CTBP2: variants seen among roughly 807,000 people sequenced by gnomAD.
The protein encoded by CTBP2 is C-terminal binding protein 2, also known as C-terminal-binding protein 2.
Under a neutral mutation model 80.3 loss-of-function variants are expected in CTBP2, and 30 were observed. The observed-to-expected ratio is 0.37, with a 90% CI of 0.28 to 0.51. The LOEUF is 0.51. Ranked by LOEUF, CTBP2 falls within the 20% of genes least tolerant of loss-of-function variation. CTBP2 has a pLI of 0.93. For synonymous variants in CTBP2, 594 were observed against 587.4 expected, an observed-to-expected ratio of 1.01 and a Z score of -0.16; for missense variants, 1,212 against 1,375.3, an observed-to-expected ratio of 0.88 and a Z score of 1.88.
intron 8 of CTBP2, among the ~76,000 whole-genome samples, chr10:124,991,533 G>A (rs552180631): frequency 1.6e-4 from 25 of 152,342 alleles, no homozygotes; most frequent in Middle Eastern, 3.4e-3. Context: ...CACCGGCATA[G>A]CTTCTTCAAG....
intron 2 of CTBP2, among the ~76,000 whole-genome samples, chr10:125,047,065 T>G (rs1401828890): frequency 1.3e-5 from 2 of 152,240 alleles, no homozygotes; most frequent in African/African-American, 4.8e-5. Flanking sequence ...TTCTTGTGTT[T>G]AGGATTTTCA....
chr10:125,149,541 G>A (rs746478675), intron 1 of CTBP2, among the ~76,000 whole-genome samples: 15 of 152,182 alleles, frequency 9.9e-5, no homozygotes, highest in Non-Finnish European at 1.5e-4. Flanking sequence ...AGAATCCAAA[G>A]GCCAAGATGG....
intron 1 of CTBP2, among the ~76,000 whole-genome samples, chr10:125,122,191 C>T (rs998800871): frequency 1.3e-5 from 2 of 152,246 alleles, no homozygotes; most frequent in African/African-American, 4.8e-5. Flanking sequence ...CCTGAACTAA[C>T]TTACACACGT....
chr10:125,140,067 C>T (rs1228518734), intron 1 of CTBP2, among the ~76,000 whole-genome samples: 1 of 152,094 alleles, frequency 6.6e-6, no homozygotes, highest in East Asian at 1.9e-4. Context: ...GCTACTAACC[C>T]CATGTACCCA....
intron 1 of CTBP2, among the ~76,000 whole-genome samples, chr10:125,010,395 TAC>T (rs1026285079): frequency 6.6e-6 from 1 of 152,192 alleles, no homozygotes; most frequent in African/African-American, 2.4e-5. Context: ...GATTTCATTT[TAC>T]AGTCTCAGTA....
Position 124,986,312 on chromosome 10 carries a change from C to G in CTBP2, c.*3206G>C, listed in dbSNP as rs547451690. 1 of 130,908 alleles carries G rather than the reference C, an allele frequency of 7.6e-6. No individual in the cohort carries two copies. Among genetic ancestry groups the G allele is most frequent in the South Asian group, 2.1e-4 (1 of 4,830 alleles). The allele number at this position is 130,908 out of a possible 1,614,324, so 8.1% of individuals were successfully genotyped here. A position where few individuals can be genotyped will look rare whatever the true frequency, so the allele number is the denominator to read the frequency against. On this transcript the variant is annotated 3_prime_UTR_variant, in exon 9 of 9. Transcript: ENST00000309035. Reference sequence around the variant, plus strand: ...GCGCGCACACACACACACACACACACACACACACACAGTTTTTTCCTTCCC... The same window carrying G: ...GCGCGCACACACACACACACACACAGACACACACACAGTTTTTTCCTTCCC...
chr10:125,023,258 G>A (rs1336977857), intron 1 of CTBP2, among the ~76,000 whole-genome samples: 2 of 152,216 alleles, frequency 1.3e-5, no homozygotes, highest in Non-Finnish European at 2.9e-5. Flanking sequence ...AGATCTTTTT[G>A]TGGCTCTTTG....
upstream of CTBP2, among the ~76,000 whole-genome samples, chr10:125,031,488 CA>C (rs11463934): frequency 0.12 from 3,985 of 33,114 alleles, 36 homozygotes; most frequent in Admixed American, 0.21. Context: ...GACTCCATTT[CA>C]AAAAAAAAAA....
chr10:125,055,619 C>T (rs542656463), intron 2 of CTBP2, among the ~76,000 whole-genome samples: 3 of 152,282 alleles, frequency 2.0e-5, no homozygotes, highest in East Asian at 1.9e-4. Context: ...ATGCAAAACA[C>T]GGCTACGTCT....
intron 1 of CTBP2, among the ~76,000 whole-genome samples, chr10:125,123,281 C>A (rs983723369): frequency 6.6e-6 from 1 of 152,170 alleles, no homozygotes; most frequent in African/African-American, 2.4e-5. Flanking sequence ...ATTGCACAGA[C>A]TAAATACACA....
chr10:125,110,393 G>C (rs1199296632), intron 2 of CTBP2, among the ~76,000 whole-genome samples: 2 of 152,176 alleles, frequency 1.3e-5, no homozygotes, highest in African/African-American at 4.8e-5. Flanking sequence ...ACGGGCACAG[G>C]ATTGAACTCC....
chr10:124,990,056 T>G (rs908343826), intron 8 of CTBP2, among the ~76,000 whole-genome samples: 13 of 151,026 alleles, frequency 8.6e-5, no homozygotes, highest in African/African-American at 3.2e-4. Flanking sequence ...TTTTTTTTTT[T>G]TTTGAGATGG....
intron 1 of CTBP2, among the ~76,000 whole-genome samples, chr10:125,146,629 C>T (rs1591079808): frequency 1.3e-5 from 2 of 152,202 alleles, no homozygotes; most frequent in South Asian, 4.1e-4. Flanking sequence ...AAAGAAACTG[C>T]TGGTCCATGA....
chr10:125,054,518 T>C (rs765857443), intron 2 of CTBP2, among the ~76,000 whole-genome samples: 3 of 152,172 alleles, frequency 2.0e-5, no homozygotes, highest in East Asian at 1.9e-4. Context: ...GAATGCAACA[T>C]TGTCAGGGCC....
chr10:125,026,084 G>A lies in CTBP2; in HGVS notation c.1676C>T (p.Pro559Leu). 6.4e-7 allele frequency: 1 copy of A among 1,557,170 alleles called. No individual in the cohort carries two copies. The highest frequency in any genetic ancestry group is 8.7e-7 in the Non-Finnish European group (1 of 1,146,260). The change falls in exon 1 of 9, where the codon CCA becomes CTA. Residue 559 changes from proline to leucine, a missense_variant and splice_region_variant. Around this residue, in one of 3 missense-constraint regions of CTBP2, gnomAD observed 848 missense variants for 782.3 expected, o/e 1.08. Transcript: ENST00000309035. ...GGCAGGCGGGGAGGATGTATTACTT[G>A]GTTCTGGTGCAAGCATGGTGGACAC...
chr10:125,155,144 C>T (rs1459604793), intron 1 of CTBP2, among the ~76,000 whole-genome samples: 1 of 152,230 alleles, frequency 6.6e-6, no homozygotes, highest in Admixed American at 6.5e-5. Flanking sequence ...AAGCACACGA[C>T]GTTCCTTAGC....
intron 1 of CTBP2, among the ~76,000 whole-genome samples, chr10:125,155,877 T>C (rs1860825738): frequency 6.6e-6 from 1 of 152,172 alleles, no homozygotes; most frequent in South Asian, 2.1e-4. Flanking sequence ...AGAAAACTGA[T>C]ATCTGCCAGG....
rs754019932 is a variant in CTBP2, at chr10:125,128,543, G to A, written c.-205-17450C>T. Among the ~76,000 whole-genome samples, 10 of 152,240 alleles carry A rather than the reference G, an allele frequency of 6.6e-5. 1 individual carries two copies. In the Middle Eastern group the frequency reaches 0.017, roughly 259 times the overall value. On this transcript the variant is annotated intron_variant, in intron 1 of 10. Transcript: ENST00000337195. ...AGAGCATGTGAACTCCACAGCCCAC[G>A]CCCAGCAGAGCCAACGGTGCAGACC... is the stretch of plus-strand genomic sequence containing the variant.
At chr10:125,129,714 G>A (rs546951130) in intron 1 of CTBP2, among the ~76,000 whole-genome samples, 24 of 152,274 alleles carry the variant, frequency 1.6e-4, no homozygotes, top group East Asian at 3.9e-4. Context: ...TATTCAGAGC[G>A]ATTCACAGGA....
Sources: allele counts gnomAD v4.1 joint callset (sites outside exome capture counted in the v4.1 genomes callset), GRCh38; gene constraint gnomAD v4.1.1; regional missense constraint gnomAD v4.1.1; transcripts MANE v1.5; gene names NCBI Gene and HGNC (gene_info 2026-07-23, HGNC 2026-07-21).